The following SNTB2 variants were observed in gnomAD, a reference collection of about 807,000 sequenced individuals.
The protein encoded by SNTB2 is beta-2-syntrophin.
A neutral mutation model predicts 46.2 loss-of-function variants in SNTB2; 34 were observed. The observed-to-expected ratio is 0.74, with a 90% CI of 0.56 to 0.98. The LOEUF is 0.98. Ranked by LOEUF, SNTB2 falls within the 50% of genes least tolerant of loss-of-function variation. The pLI is 0.00. For missense variants in SNTB2, 603 were observed against 731.4 expected (o/e 0.82, Z 2.02); for synonymous variants, 290 against 312.6 (o/e 0.93, Z 0.76).
rs1453489244 is a variant in SNTB2 at position 69,303,704 on chromosome 16, G to A, written c.*2780G>A. 3 of 152,608 alleles carry A rather than the reference G, an allele frequency of 2.0e-5. No individual in the cohort carries two copies. Among genetic ancestry groups the A allele is most frequent in the African/African-American group, 7.2e-5 (3 of 41,430 alleles). The allele number at this position is 152,608 out of a possible 1,614,324, so 9.5% of individuals were successfully genotyped here. A position where few individuals can be genotyped will look rare whatever the true frequency, so the allele number is the denominator to read the frequency against. ...GACCAAGGTTGTTCTTCAATCAAAT[G>A]TGTTTGTGGGATTTTCAGTCCGCAA... On this transcript the variant is annotated 3_prime_UTR_variant, in exon 7 of 7. Coordinates refer to ENST00000336278, the MANE Select transcript of SNTB2 (RefSeq NM_006750.4).
intron 1 of SNTB2, among the ~76,000 whole-genome samples, chr16:69,239,240 C>G (rs1367446786): frequency 6.6e-6 from 1 of 152,194 alleles, no homozygotes; most frequent in Non-Finnish European, 1.5e-5. Context: ...AACTGACACC[C>G]TGGGCAGCAT....
intron 1 of SNTB2, among the ~76,000 whole-genome samples, chr16:69,228,969 C>CA (rs1385110116): frequency 6.6e-6 from 1 of 152,034 alleles, no homozygotes; most frequent in Non-Finnish European, 1.5e-5. Context: ...AATGATTTTA[C>CA]AAAAAATATC....
chr16:69,199,614 C>T (rs545201966), intron 1 of SNTB2, among the ~76,000 whole-genome samples: 5 of 101,718 alleles, frequency 4.9e-5, no homozygotes, highest in Admixed American at 9.1e-5. Flanking sequence ...AAAAAAAAGG[C>T]GATCTTTTTC....
chr16:69,235,359 T>C (rs1275944299), intron 1 of SNTB2, among the ~76,000 whole-genome samples: 5 of 152,126 alleles, frequency 3.3e-5, no homozygotes, highest in Non-Finnish European at 7.4e-5. Context: ...TAAGCATAAA[T>C]GTTAAGGGGT....
chr16:69,246,023 C>G (rs1050014013), intron 2 of SNTB2, among the ~76,000 whole-genome samples: 1 of 152,016 alleles, frequency 6.6e-6, no homozygotes, highest in Non-Finnish European at 1.5e-5. Flanking sequence ...ACACAAGAAA[C>G]TGTTAATGGC....
intron 1 of SNTB2, among the ~76,000 whole-genome samples, chr16:69,227,584 A>G (rs939876761): frequency 6.6e-6 from 1 of 152,214 alleles, no homozygotes; most frequent in Non-Finnish European, 1.5e-5. Context: ...AAAAGTTTAA[A>G]AAACTATGAA....
At chr16:69,295,559 T>A (rs1182362452) in intron 5 of SNTB2, among the ~76,000 whole-genome samples, 1 of 152,104 alleles carries the variant, frequency 6.6e-6, no homozygotes, top group African/African-American at 2.4e-5. Flanking sequence ...ACATACTGAA[T>A]TTTTTACTGA....
At chr16:69,274,188 C>T (rs921076913) in intron 4 of SNTB2, among the ~76,000 whole-genome samples, 3 of 150,486 alleles carry the variant, frequency 2.0e-5, no homozygotes, top group Middle Eastern at 7.0e-3. Flanking sequence ...GGCATATGCC[C>T]GTAATCCCAG....
intron 1 of SNTB2, among the ~76,000 whole-genome samples, chr16:69,241,615 C>A: frequency 6.6e-6 from 1 of 150,608 alleles, no homozygotes; most frequent in Non-Finnish European, 1.5e-5. Flanking sequence ...GGTGAAACCC[C>A]GTCTCTACTA....
intron 1 of SNTB2, among the ~76,000 whole-genome samples, chr16:69,205,232 C>A (rs1208837015): frequency 2.6e-5 from 4 of 151,674 alleles, no homozygotes; most frequent in Non-Finnish European, 5.9e-5. Context: ...TTACTGCAAC[C>A]ACCACCTCCT....
intron 5 of SNTB2, among the ~76,000 whole-genome samples, chr16:69,285,153 C>T (rs970239731): frequency 2.0e-5 from 3 of 152,178 alleles, no homozygotes; most frequent in African/African-American, 4.8e-5. Flanking sequence ...TGATGCATGA[C>T]TGTACCATAA....
Position 69,198,189 on chromosome 16 carries a change from A to G in SNTB2, c.580+10443A>G, listed in dbSNP as rs578193404. On this transcript the variant is annotated intron_variant, in intron 1 of 6. Coordinates refer to ENST00000336278, the MANE Select transcript of SNTB2 (RefSeq NM_006750.4). ...GCAGTGGCAATCTCAGCTCACTGCA[A>G]CCTCCACCTCGCGGGTTCAAGCGAT... 1.0e-3 allele frequency among the ~76,000 whole-genome samples: 156 copies of G among 150,426 alleles called. 1 individual carries two copies. Among genetic ancestry groups the G allele is most frequent in the African/African-American group, 3.2e-3 (130 of 40,836 alleles).
At chr16:69,187,828 G>A (rs1206266387) in intron 1 of SNTB2, 82 bp downstream of exon 1, 15 of 1,151,658 alleles carry the variant, frequency 1.3e-5, no homozygotes, top group Non-Finnish European at 1.6e-5. Flanking sequence ...CCCCGCCGGC[G>A]GGGCGAGCCG....
In SNTB2 at chr16:69,260,201, G is replaced by A; in HGVS notation, c.946G>A (p.Ala316Thr). The A allele has an allele frequency of 6.2e-7, 1 of 1,614,128 alleles. No individual in the cohort carries two copies. Among genetic ancestry groups the A allele is most frequent in the Non-Finnish European group, 8.5e-7 (1 of 1,180,026 alleles). Reference protein sequence around the residue: ...VLAELNAMLGATSTAGGSKEV... With the variant: ...VLAELNAMLGTTSTAGGSKEV... Reference sequence around the variant, plus strand: ...GGCTGAACTCAACGCCATGCTTGGGGCAACCAGTACAGCAGGAGGCAGTAA... The same window carrying A: ...GGCTGAACTCAACGCCATGCTTGGGACAACCAGTACAGCAGGAGGCAGTAA... The change falls in exon 3 of 7, where the codon GCA becomes ACA. Residue 316 changes from alanine to threonine, a missense_variant. Transcript: ENST00000336278.
chr16:69,301,003 C>G lies in SNTB2; in HGVS notation c.*79C>G. 1 of 882,270 alleles carries G rather than the reference C, an allele frequency of 1.1e-6. No individual in the cohort carries two copies. Among genetic ancestry groups the G allele is most frequent in the Non-Finnish European group, 1.8e-6 (1 of 549,280 alleles). The allele number at this position is 882,270 out of a possible 1,614,324, so 54.7% of individuals were successfully genotyped here. On this transcript the variant is annotated 3_prime_UTR_variant, in exon 7 of 7. Transcript: ENST00000336278. The stretch of plus-strand genomic sequence containing the variant: ...AAAAAAAAAAAAGCACAAAAAGAAA[C>G]TCTTTGCTCTCCTTCAGCACAGTGC...
intron 1 of SNTB2, among the ~76,000 whole-genome samples, chr16:69,199,336 A>G (rs1964137262): frequency 6.6e-6 from 1 of 152,218 alleles, no homozygotes. Context: ...CAGATAAAAT[A>G]TTTTATGTTG....
At chr16:69,206,829 A>C (rs1964224833) in intron 1 of SNTB2, among the ~76,000 whole-genome samples, 2 of 151,578 alleles carry the variant, frequency 1.3e-5, no homozygotes, top group African/African-American at 2.4e-5. Flanking sequence ...GCAGTGGCGC[A>C]ATCTCAGCTC....
At chr16:69,242,892 G>T (rs1405463024) in intron 1 of SNTB2, among the ~76,000 whole-genome samples, 2 of 152,064 alleles carry the variant, frequency 1.3e-5, no homozygotes, top group South Asian at 2.1e-4. Context: ...GTGGTGGCGG[G>T]CGCCTGTAGT....
intron 4 of SNTB2, among the ~76,000 whole-genome samples, chr16:69,275,659 G>T (rs1164584610): frequency 6.6e-6 from 1 of 152,162 alleles, no homozygotes; most frequent in African/African-American, 2.4e-5. Flanking sequence ...TGTTTTTAAT[G>T]TAGGGGAAAG....
Sources: allele counts gnomAD v4.1 joint callset (sites outside exome capture counted in the v4.1 genomes callset), GRCh38; gene constraint gnomAD v4.1.1; transcripts MANE v1.5; gene names NCBI Gene and HGNC (gene_info 2026-07-23, HGNC 2026-07-21).